The following CFAP54 variants were observed in gnomAD, a reference collection of about 807,000 sequenced individuals.
CFAP54 encodes the protein cilia and flagella associated protein 54.
CFAP54 carries 290 observed loss-of-function variants against 370.4 expected under a neutral mutation model. That is an observed-to-expected ratio of 0.78 (90% confidence interval 0.71 to 0.86). The LOEUF (loss-of-function observed/expected upper bound fraction) is 0.86. Among genes scored for constraint, CFAP54 ranks in the 40% least tolerant of loss-of-function variants. The pLI is 0.00. For synonymous variants in CFAP54, 1,206 were observed against 1,236.5 expected, an observed-to-expected ratio of 0.98 and a Z score of 0.52; for missense variants, 3,399 against 3,528.7, an observed-to-expected ratio of 0.96 and a Z score of 0.93.
chr12:96,655,047 T>A (rs1428610485), intron 36 of CFAP54, among the ~76,000 whole-genome samples: 3 of 151,996 alleles, frequency 2.0e-5, no homozygotes, highest in Admixed American at 6.6e-5. Context: ...AATTTTTTTT[T>A]AAAAGAACAA....
chr12:96,590,678 C>T (rs748665188), intron 23 of CFAP54, among the ~76,000 whole-genome samples: 8 of 152,030 alleles, frequency 5.3e-5, no homozygotes, highest in African/African-American at 1.4e-4. Context: ...AGATATTATG[C>T]GACTTGTGGG....
rs138857687 is a variant in CFAP54, at chr12:96,651,330, C to T, written c.4873-258C>T. ...AGCACCTAGAACAATGGGTTAGCCA[C>T]GCTGAACCCATGACTCCATTTCCTC... On this transcript the variant is annotated intron_variant, in intron 35 of 67. Coordinates refer to ENST00000524981, the MANE Select transcript of CFAP54 (RefSeq NM_001306084.2). 1.9e-3 allele frequency among the ~76,000 whole-genome samples: 293 copies of T among 152,300 alleles called. 2 individuals are homozygous for T. Among genetic ancestry groups the T allele is most frequent in the Middle Eastern group, 0.01 (3 of 294 alleles).
chr12:96,535,190 C>T (rs1894957), intron 11 of CFAP54, among the ~76,000 whole-genome samples: 63,366 of 151,814 alleles, frequency 0.42, 13,745 homozygotes, highest in South Asian at 0.46. Context: ...GCTAGGATTA[C>T]AGTGACTTGC....
chr12:96,604,304 T>C (rs548896029), intron 26 of CFAP54, among the ~76,000 whole-genome samples: 2 of 152,362 alleles, frequency 1.3e-5, no homozygotes, highest in Non-Finnish European at 2.9e-5. Context: ...CAAATATTGC[T>C]GCCTGATCGT....
intron 66 of CFAP54, among the ~76,000 whole-genome samples, chr12:96,856,638 A>G (rs1368688011): frequency 1.3e-5 from 2 of 150,880 alleles, no homozygotes; most frequent in African/African-American, 2.5e-5. Context: ...CCATATCACT[A>G]TCAGCATTTT....
chr12:96,704,859 TA>T, intron 47 of CFAP54, 63 bp downstream of exon 47: 1 of 582,180 alleles, frequency 1.7e-6, no homozygotes, highest in Non-Finnish European at 2.9e-6. Context: ...TGAGTCATTC[TA>T]ATCTATTTGG....
rs1356080245 is a variant in CFAP54 at position 96,691,340 on chromosome 12, A to G, written c.6264+30A>G. 2.7e-6 allele frequency: 4 copies of G among 1,491,018 alleles called. No individual in the cohort carries two copies. The East Asian group carries it at 7.0e-5, about 26-fold the overall frequency. 92.4% of individuals were successfully genotyped at this position (1,491,018 alleles called of 1,614,324 possible). On this transcript the variant is annotated intron_variant, in intron 44 of 67. Transcript: ENST00000524981. ...GTAATTTGTAAAATAAAAATTATAT[A>G]TCACTGGGATATTTTGCTCCACTTA...
intron 65 of CFAP54, among the ~76,000 whole-genome samples, chr12:96,823,508 GA>G (rs2136744815): frequency 6.6e-6 from 1 of 152,276 alleles, no homozygotes; most frequent in East Asian, 1.9e-4. Context: ...TCATATTCAG[GA>G]AACAATAAGA....
intron 20 of CFAP54, 46 bp from the exon 21 acceptor site, chr12:96,580,551 A>G: frequency 2.0e-6 from 2 of 1,016,744 alleles, no homozygotes; most frequent in Middle Eastern, 4.2e-4. Context: ...TGTTACATTG[A>G]TATAAAAGAA....
At chr12:96,669,688 A>C (rs1424646406) in intron 39 of CFAP54, among the ~76,000 whole-genome samples, 1 of 152,190 alleles carries the variant, frequency 6.6e-6, no homozygotes, top group Non-Finnish European at 1.5e-5. Flanking sequence ...GGCAGGTTAG[A>C]GGAAAAGGTC....
chr12:96,780,950 G>C (rs1958574043), intron 60 of CFAP54, among the ~76,000 whole-genome samples: 1 of 152,172 alleles, frequency 6.6e-6, no homozygotes. Flanking sequence ...AAAGACTCCA[G>C]TGGTTTACTT....
At chr12:96,711,348 A>G (rs570523955) in intron 48 of CFAP54, among the ~76,000 whole-genome samples, 3 of 151,438 alleles carry the variant, frequency 2.0e-5, no homozygotes, top group Non-Finnish European at 4.4e-5. Flanking sequence ...GATTTCTTCT[A>G]CTTTTTCTTC....
intron 3 of CFAP54, among the ~76,000 whole-genome samples, chr12:96,506,545 C>G (rs1292281083): frequency 6.7e-6 from 1 of 149,290 alleles, no homozygotes; most frequent in Non-Finnish European, 1.5e-5. Context: ...AAATGCTTTC[C>G]TAAGTTATTT....
chr12:96,739,015 G>T (rs564785548), intron 50 of CFAP54, among the ~76,000 whole-genome samples: 1 of 152,230 alleles, frequency 6.6e-6, no homozygotes, highest in Admixed American at 6.5e-5. Context: ...TCCAAGTAAG[G>T]TCACATTTTG....
Position 96,540,768 on chromosome 12 carries a change from GA to G in CFAP54, c.1927-64del, listed in dbSNP as rs927130970. The G allele has an allele frequency of 1.7e-5, 18 of 1,067,104 alleles. No individual in the cohort carries two copies. The African/African-American group carries it at 3.0e-4, about 18-fold the overall frequency. 66.1% of individuals were successfully genotyped at this position (1,067,104 alleles called of 1,614,324 possible). On this transcript the variant is annotated intron_variant, in intron 13 of 67. Coordinates refer to ENST00000524981, the MANE Select transcript of CFAP54 (RefSeq NM_001306084.2). ...GTTGTTTCAAGGAAGTATAAGTTTT[GA>G]AAAATGTGACTGTTTCTACAGTTTC...
chr12:96,819,439 A>G (rs1037210169), intron 65 of CFAP54, among the ~76,000 whole-genome samples: 3 of 152,234 alleles, frequency 2.0e-5, no homozygotes, highest in African/African-American at 7.2e-5. Context: ...AGCCAGACAA[A>G]ATGATGAATC....
chr12:96,546,416 T>C (rs1417638521), intron 14 of CFAP54, among the ~76,000 whole-genome samples: 1 of 151,906 alleles, frequency 6.6e-6, no homozygotes. Context: ...TTTGTTTGTT[T>C]GTTTGTTTAT....
chr12:96,599,154 C>T (rs112401633), intron 26 of CFAP54, among the ~76,000 whole-genome samples: 12,978 of 149,714 alleles, frequency 0.087, 771 homozygotes, highest in Middle Eastern at 0.14. Context: ...ACTATCCCTC[C>T]CCCAGCCCCC....
chr12:96,608,524 C>T (rs1183645020), intron 26 of CFAP54, among the ~76,000 whole-genome samples: 1 of 142,464 alleles, frequency 7.0e-6, no homozygotes, highest in Non-Finnish European at 1.5e-5. Flanking sequence ...TGCAGTGGCT[C>T]AATCTCAGCT....
Sources: allele counts gnomAD v4.1 joint callset (sites outside exome capture counted in the v4.1 genomes callset), GRCh38; gene constraint gnomAD v4.1.1; transcripts MANE v1.5; gene names NCBI Gene and HGNC (gene_info 2026-07-23, HGNC 2026-07-21).